Variants in NXPH1 observed in about 807,000 individuals in gnomAD.
NXPH1 encodes the protein neurexophilin 1, also known as neurexophilin-1.
NXPH1 carries 5 observed loss-of-function variants against 23.7 expected under a neutral mutation model. The ratio of observed to expected loss-of-function variants is 0.21; its 90% CI spans 0.11 to 0.44. The LOEUF (loss-of-function observed/expected upper bound fraction) is 0.44, where lower values mean the gene tolerates loss of function less well. Among genes scored for constraint, NXPH1 ranks in the 20% least tolerant of loss-of-function variants. NXPH1 has a pLI of 0.99. For synonymous variants in NXPH1, 144 were observed against 122.2 expected, an observed-to-expected ratio of 1.18 and a Z score of -1.18; for missense variants, 324 against 321.6, an observed-to-expected ratio of 1.01 and a Z score of -0.06.
intron 2 of NXPH1, among the ~76,000 whole-genome samples, chr7:8,465,808 C>G (rs920417286): frequency 2.6e-5 from 4 of 152,238 alleles, no homozygotes; most frequent in East Asian, 3.8e-4. Context: ...CAACATGACT[C>G]TCATGGGGAT....
intron 2 of NXPH1, among the ~76,000 whole-genome samples, chr7:8,714,709 G>C (rs1583243024): frequency 6.6e-6 from 1 of 152,068 alleles, no homozygotes; most frequent in Non-Finnish European, 1.5e-5. Context: ...GTTCCTTTCT[G>C]GCCTAGGTTG....
At chr7:8,555,653 A>G (rs1291769327) in intron 2 of NXPH1, among the ~76,000 whole-genome samples, 3 of 151,596 alleles carry the variant, frequency 2.0e-5, no homozygotes, top group East Asian at 2.0e-4. Flanking sequence ...AATCTCCCCA[A>G]CCTCATTTCT....
At chr7:8,560,620 G>A (rs1246576263) in intron 2 of NXPH1, among the ~76,000 whole-genome samples, 1 of 151,654 alleles carries the variant, frequency 6.6e-6, no homozygotes, top group Non-Finnish European at 1.5e-5. Flanking sequence ...AAGGGGGAGA[G>A]TGAGAGGAGC....
At chr7:8,726,824 G>A (rs1308586355) in intron 2 of NXPH1, among the ~76,000 whole-genome samples, 1 of 151,648 alleles carries the variant, frequency 6.6e-6, no homozygotes, top group Non-Finnish European at 1.5e-5. Context: ...ATAGCAGCAT[G>A]ATTTATAGTC....
chr7:8,504,908 A>G (rs1024423931), intron 2 of NXPH1, among the ~76,000 whole-genome samples: 1 of 152,048 alleles, frequency 6.6e-6, no homozygotes, highest in Admixed American at 6.6e-5. Flanking sequence ...CCCAACCTCT[A>G]GAACTGTGAA....
intron 2 of NXPH1, among the ~76,000 whole-genome samples, chr7:8,608,279 C>T (rs1195537689): frequency 6.6e-6 from 1 of 151,588 alleles, no homozygotes; most frequent in Non-Finnish European, 1.5e-5. Context: ...AAATGGAAGT[C>T]TTGAAAGTCC....
chr7:8,651,162 C>T (rs13225202), intron 2 of NXPH1, among the ~76,000 whole-genome samples: 93,756 of 144,814 alleles, frequency 0.65, 30,799 homozygotes, highest in East Asian at 0.82. Context: ...GTGATGTTCC[C>T]CTTCCTGTGT....
chr7:8,595,440 C>G (rs1039526362), intron 2 of NXPH1, among the ~76,000 whole-genome samples: 3 of 151,696 alleles, frequency 2.0e-5, no homozygotes, highest in Non-Finnish European at 4.4e-5. Flanking sequence ...AAAATGACAA[C>G]CATCTGGAAA....
At chr7:8,498,064 C>T (rs910663386) in intron 2 of NXPH1, among the ~76,000 whole-genome samples, 5 of 152,038 alleles carry the variant, frequency 3.3e-5, no homozygotes, top group African/African-American at 1.2e-4. Context: ...AATCATAGGG[C>T]TCTGCTTATT....
intron 2 of NXPH1, among the ~76,000 whole-genome samples, chr7:8,622,490 A>G (rs567086067): frequency 3.9e-5 from 6 of 152,292 alleles, no homozygotes; most frequent in African/African-American, 1.2e-4. Context: ...TTGGAGTTAC[A>G]TTAGACCTTA....
intron 2 of NXPH1, among the ~76,000 whole-genome samples, chr7:8,687,583 C>A (rs1375124780): frequency 6.6e-6 from 1 of 152,070 alleles, no homozygotes; most frequent in Non-Finnish European, 1.5e-5. Flanking sequence ...GGTACAAAAT[C>A]AGAAAGAAAT....
chr7:8,694,772 C>A (rs1764284091), intron 2 of NXPH1, among the ~76,000 whole-genome samples: 1 of 152,136 alleles, frequency 6.6e-6, no homozygotes, highest in African/African-American at 2.4e-5. Flanking sequence ...ATAAAACAGT[C>A]CACATGAAAT....
rs1457434392 is a variant in NXPH1, at chr7:8,599,004, A to T, written c.55-152004A>T. ...ATGCATAAGGCATTGTGCTAAATTT[A>T]TTGGGAGAAGGGGTATAATTGGATG... On this transcript the variant is annotated intron_variant, in intron 2 of 2. Coordinates refer to ENST00000405863, the MANE Select transcript of NXPH1 (RefSeq NM_152745.3). Among the ~76,000 whole-genome samples, 11 of 152,256 alleles carry T rather than the reference A, an allele frequency of 7.2e-5. No homozygotes were observed. In the South Asian group the frequency reaches 2.1e-3, roughly 29 times the overall value.
At chr7:8,746,193 T>C (rs1021703965) in intron 2 of NXPH1, among the ~76,000 whole-genome samples, 5 of 151,874 alleles carry the variant, frequency 3.3e-5, no homozygotes, top group African/African-American at 1.2e-4. Flanking sequence ...GAGTTGTTAG[T>C]CTTGAACAGC....
chr7:8,459,461 G>T (rs1816654963), intron 2 of NXPH1, among the ~76,000 whole-genome samples: 3 of 152,142 alleles, frequency 2.0e-5, no homozygotes, highest in Admixed American at 2.0e-4. Context: ...AGTTTCATCA[G>T]TAGAGAAAAC....
At chr7:8,549,215 G>A (rs1008988780) in intron 2 of NXPH1, among the ~76,000 whole-genome samples, 13 of 151,494 alleles carry the variant, frequency 8.6e-5, no homozygotes, top group African/African-American at 2.7e-4. Context: ...GATCCCACTA[G>A]AGTCTCTTAT....
intron 2 of NXPH1, among the ~76,000 whole-genome samples, chr7:8,450,919 T>C (rs958219161): frequency 5.3e-5 from 8 of 149,754 alleles, no homozygotes; most frequent in African/African-American, 2.0e-4. Flanking sequence ...TAGTTCCTAG[T>C]TTGTGAAATA....
At chr7:8,750,932 G>A (rs771575408) in intron 2 of NXPH1, 76 bp from the exon 3 acceptor site, 665 of 1,371,866 alleles carry the variant, frequency 4.8e-4, no homozygotes, top group Non-Finnish European at 6.5e-4. Flanking sequence ...GAGACTCAGA[G>A]AAGGCTTAGA....
intron 2 of NXPH1, among the ~76,000 whole-genome samples, chr7:8,527,462 TGGC>T (rs2128616803): frequency 6.6e-6 from 1 of 152,302 alleles, no homozygotes; most frequent in South Asian, 2.1e-4. Flanking sequence ...AAAACTAACA[TGGC>T]TCCTCCTTAA....
Sources: allele counts gnomAD v4.1 joint callset (sites outside exome capture counted in the v4.1 genomes callset), GRCh38; gene constraint gnomAD v4.1.1; transcripts MANE v1.5; gene names NCBI Gene and HGNC (gene_info 2026-07-23, HGNC 2026-07-21).